ROS1: variants seen among roughly 807,000 people sequenced by gnomAD.
ROS1 encodes ROS proto-oncogene 1, receptor tyrosine kinase, also known as proto-oncogene tyrosine-protein kinase ROS.
ROS1 carries 263 observed loss-of-function variants against 273.5 expected under a neutral mutation model. That is an observed-to-expected ratio of 0.96 (90% CI 0.87 to 1.06). The LOEUF (loss-of-function observed/expected upper bound fraction) is 1.06, where lower values mean the gene tolerates loss of function less well. Ranked by LOEUF, ROS1 falls within the 50% of genes least tolerant of loss-of-function variation. ROS1 has a pLI of 0.00. For synonymous variants in ROS1, 1,008 were observed against 954.1 expected (o/e 1.06, Z -1.04); for missense variants, 2,833 against 2,751.1 (o/e 1.03, Z -0.67).
chr6:117,386,749 C>A (rs77212825), intron 15 of ROS1, 140 bp downstream of exon 15: 13,799 of 484,316 alleles, frequency 0.028, 275 homozygotes, highest in Non-Finnish European at 0.041. Context: ...GAATCACTGG[C>A]AGTAGAGTTC....
intron 1 of ROS1, among the ~76,000 whole-genome samples, chr6:117,419,098 T>G (rs1415646998): frequency 6.6e-6 from 1 of 152,206 alleles, no homozygotes; most frequent in East Asian, 1.9e-4. Context: ...GGCCATCAGA[T>G]AATCAGATAA....
At chr6:117,369,005 A>C (rs1274071830) in intron 18 of ROS1, among the ~76,000 whole-genome samples, 3 of 152,210 alleles carry the variant, frequency 2.0e-5, no homozygotes, top group Non-Finnish European at 4.4e-5. Context: ...GCCAACTAGA[A>C]TATTTATAAT....
intron 18 of ROS1, among the ~76,000 whole-genome samples, chr6:117,377,668 A>G (rs1175945839): frequency 1.3e-5 from 2 of 152,210 alleles, no homozygotes; most frequent in Non-Finnish European, 2.9e-5. Flanking sequence ...TCTTGTAGAA[A>G]ACACAGAAAG....
chr6:117,331,138 G>A (rs1777050160), intron 32 of ROS1, among the ~76,000 whole-genome samples: 1 of 152,176 alleles, frequency 6.6e-6, no homozygotes, highest in Non-Finnish European at 1.5e-5. Flanking sequence ...AGTTTAGAGA[G>A]GAACACAAAT....
Position 117,387,867 on chromosome 6 carries a change from T to C in ROS1, c.1912A>G (p.Met638Val), listed in dbSNP as rs1772717785. The change falls in exon 14 of 44, where the codon ATG becomes GTG. Residue 638 changes from methionine (M) to valine (V), a missense_variant. Physicochemically the swap from Met to Val is conservative, Grantham distance 21. Coordinates refer to ENST00000368507, the MANE Select transcript of ROS1 (RefSeq NM_001378902.1). ...GCTCTCACAGAAACCTTGTATTTCA[T>C]AGCACTCTGCAGCTCAGGTACATTC... ...MLNVPELQSA[M>V]KYKVSVRASS... 1.2e-6 allele frequency: 2 copies of C among 1,614,198 alleles called. No individual in the cohort carries two copies. Among genetic ancestry groups the C allele is most frequent in the South Asian group, 1.1e-5 (1 of 91,086 alleles).
In ROS1 at chr6:117,389,335, G is replaced by T. The variant is rs1772852557; in HGVS notation, c.1786+15C>A. ...CCAGCAAGGCCAGTAACCACACTGG[G>T]GACAGAGCACTCACTGGCTCCTATG... On this transcript the variant is annotated intron_variant, in intron 13 of 43. Transcript: ENST00000368507. The T allele has an allele frequency of 6.2e-7, 1 of 1,604,500 alleles. No homozygotes were observed. Among genetic ancestry groups the T allele is most frequent in the Non-Finnish European group, 8.5e-7 (1 of 1,175,448 alleles).
chr6:117,307,871 T>C (rs1775228706), intron 42 of ROS1, among the ~76,000 whole-genome samples: 1 of 152,102 alleles, frequency 6.6e-6, no homozygotes, highest in African/African-American at 2.4e-5. Flanking sequence ...TGCTAATTCC[T>C]TTTGCACTTG....
chr6:117,306,597 AT>A (rs1775121809), intron 42 of ROS1, among the ~76,000 whole-genome samples: 2 of 152,180 alleles, frequency 1.3e-5, no homozygotes, highest in African/African-American at 4.8e-5. Context: ...CAGCATAGCT[AT>A]CTATGGGCTC....
chr6:117,289,122 C>G (rs1274658504), intron 43 of ROS1, among the ~76,000 whole-genome samples: 2 of 152,252 alleles, frequency 1.3e-5, no homozygotes, highest in Non-Finnish European at 1.5e-5. Context: ...TCTGCCTTAA[C>G]AAGCGGAGCA....
rs149959730 is a variant in ROS1, at chr6:117,313,263, A to G, written c.6118-2146T>C. On this transcript the variant is annotated intron_variant, in intron 39 of 43. Transcript: ENST00000368507. ...TTTCGCTTTTTTCTATCTTAATACAATCCTTTTAACAAAAGTTAAGGCTAG... is the reference window on the plus strand; with the variant it reads ...TTTCGCTTTTTTCTATCTTAATACAGTCCTTTTAACAAAAGTTAAGGCTAG... 1.1e-3 allele frequency among the ~76,000 whole-genome samples: 171 copies of G among 152,226 alleles called. 2 individuals are homozygous for G. In the East Asian group the frequency reaches 0.029, roughly 26 times the overall value.
At chr6:117,365,249 T>C (rs1483347098) in intron 20 of ROS1, 45 bp from the exon 21 acceptor site, 4 of 1,509,900 alleles carry the variant, frequency 2.6e-6, no homozygotes, top group East Asian at 2.3e-5. Context: ...GAGAGAATTA[T>C]AAAATCTTTC....
intron 31 of ROS1, among the ~76,000 whole-genome samples, chr6:117,339,259 T>C (rs747764632): frequency 1.3e-5 from 2 of 152,156 alleles, no homozygotes; most frequent in Admixed American, 6.6e-5. Flanking sequence ...ATATTTTACA[T>C]GTGGCCCAAG....
In ROS1 at chr6:117,411,922, C is replaced by T. The variant is rs115239332; in HGVS notation, c.256-2280G>A. On this transcript the variant is annotated intron_variant, in intron 4 of 43. Transcript: ENST00000368507. ...ATTCTGATAATGAAAATTGCTAGGA[C>T]GAAAATAAGTCAAAGGCACAGGTAT... 6.0e-3 allele frequency among the ~76,000 whole-genome samples: 917 copies of T among 152,076 alleles called. 10 individuals carry two copies. The highest frequency in any genetic ancestry group is 0.018 in the African/African-American group (762 of 41,456).
At position 117,311,022 on chromosome 6, in the gene ROS1, G is replaced by T; in HGVS notation, c.6213C>A (p.His2071Gln). 1.3e-6 allele frequency: 2 copies of T among 1,595,908 alleles called. No individual in the cohort carries two copies. Among genetic ancestry groups the T allele is most frequent in the Non-Finnish European group, 1.7e-6 (2 of 1,165,962 alleles). The change falls in exon 40 of 44, where the codon CAC becomes CAA. Residue 2071 changes from histidine (H) to glutamine (Q), a missense_variant and splice_region_variant. Physicochemically the swap from His to Gln is conservative, Grantham distance 24. Transcript: ENST00000368507. Reference protein sequence around the residue: ...CVYLERMHFIHRDLAARNCLV... With the variant: ...CVYLERMHFIQRDLAARNCLV... ...CTGTATCCAGAAGAGAATTGTACCT[G>T]TGAATGAAATGCATCCGTTCCAAGT...
intron 24 of ROS1, 87 bp downstream of exon 24, chr6:117,359,722 C>T: frequency 9.5e-7 from 1 of 1,057,440 alleles, no homozygotes; most frequent in Non-Finnish European, 1.4e-6. Context: ...AATGACTAAA[C>T]CGTTTTCCAG....
At chr6:117,305,632 C>T (rs372955916) in intron 42 of ROS1, among the ~76,000 whole-genome samples, 2 of 152,092 alleles carry the variant, frequency 1.3e-5, no homozygotes, top group East Asian at 1.9e-4. Flanking sequence ...CAACAGTCAT[C>T]TAAAAGTAAA....
At chr6:117,363,742 G>GT (rs1008097970) in intron 21 of ROS1, among the ~76,000 whole-genome samples, 1 of 152,128 alleles carries the variant, frequency 6.6e-6, no homozygotes, top group African/African-American at 2.4e-5. Flanking sequence ...ATAGGTGAAG[G>GT]TTTCATAGGC....
rs199731317 is a variant in ROS1 at position 117,379,139 on chromosome 6, G to T, written c.2502C>A (p.Asp834Glu). 574 of 1,611,462 alleles carry T rather than the reference G, an allele frequency of 3.6e-4. No homozygotes were observed. Among genetic ancestry groups the T allele is most frequent in the Non-Finnish European group, 4.6e-4 (544 of 1,177,866 alleles). The stretch of plus-strand genomic sequence containing the variant: ...ACCAATACAGGAGCCCATCACTGAG[G>T]TCTAAAGTTAGAGCAATTACCTAAG... ...SGKKVIALTL[D>E]LSDGLLYWLV... The change falls in exon 18 of 44, where the codon GAC (aspartate) becomes GAA (glutamate). Residue 834 changes from aspartate (D) to glutamate (E), a missense_variant. Transcript: ENST00000368507.
intron 34 of ROS1, among the ~76,000 whole-genome samples, chr6:117,325,109 G>A (rs1776541913): frequency 6.6e-6 from 1 of 152,062 alleles, no homozygotes; most frequent in Non-Finnish European, 1.5e-5. Flanking sequence ...GAGCTGGGTA[G>A]CAAACTTCTG....
Sources: allele counts gnomAD v4.1 joint callset (sites outside exome capture counted in the v4.1 genomes callset), GRCh38; gene constraint gnomAD v4.1.1; transcripts MANE v1.5; gene names NCBI Gene and HGNC (gene_info 2026-07-23, HGNC 2026-07-21).